Variants in ZNF804B observed in about 807,000 individuals in gnomAD.
ZNF804B encodes the protein zinc finger protein 804B.
Under a neutral mutation model 101.4 loss-of-function variants are expected in ZNF804B, and 80 were observed. That is an observed-to-expected ratio of 0.79 (90% CI 0.66 to 0.95). ZNF804B has a LOEUF of 0.95. Ranked by LOEUF, ZNF804B falls within the 40% of genes least tolerant of loss-of-function variation. The probability of loss-of-function intolerance (pLI) is 0.00; values close to 1 mark genes in which losing one functional copy is unlikely to be tolerated. For missense variants in ZNF804B, 1,673 were observed against 1,561.9 expected, an observed-to-expected ratio of 1.07 and a Z score of -1.20; for synonymous variants, 622 against 558.8, an observed-to-expected ratio of 1.11 and a Z score of -1.59.
intron 2 of ZNF804B, among the ~76,000 whole-genome samples, chr7:89,236,604 C>T (rs1789285305): frequency 6.6e-6 from 1 of 151,990 alleles, no homozygotes; most frequent in Non-Finnish European, 1.5e-5. Context: ...ATATTAAATT[C>T]ATGGTAAAAT....
intron 1 of ZNF804B, among the ~76,000 whole-genome samples, chr7:88,845,129 A>C (rs1791349392): frequency 6.6e-6 from 1 of 152,212 alleles, no homozygotes; most frequent in South Asian, 2.1e-4. Context: ...GGTTCAATGG[A>C]AAAGCATGTA....
chr7:89,292,841 C>CT (rs141253223), intron 2 of ZNF804B, among the ~76,000 whole-genome samples: 5 of 151,544 alleles, frequency 3.3e-5, no homozygotes, highest in East Asian at 1.9e-4. Context: ...AACAACTGGA[C>CT]TTTTTTTTGT....
chr7:89,319,020 G>A (rs1301838275), intron 2 of ZNF804B, among the ~76,000 whole-genome samples: 7 of 152,138 alleles, frequency 4.6e-5, no homozygotes, highest in Non-Finnish European at 2.9e-5. Context: ...GCAGGAACAC[G>A]CCCTTAAGAC....
chr7:89,034,924 C>T (rs546370392), intron 1 of ZNF804B, among the ~76,000 whole-genome samples: 6 of 152,196 alleles, frequency 3.9e-5, no homozygotes, highest in African/African-American at 1.4e-4. Context: ...TGTTTCTTGA[C>T]TTTTTAATGA....
At chr7:89,129,501 C>T (rs1221775146) in intron 1 of ZNF804B, among the ~76,000 whole-genome samples, 3 of 151,960 alleles carry the variant, frequency 2.0e-5, no homozygotes, top group Non-Finnish European at 4.4e-5. Flanking sequence ...TTAAAATGGG[C>T]TCCTCTCTTT....
chr7:88,951,278 A>T (rs914981672), intron 1 of ZNF804B, among the ~76,000 whole-genome samples: 1 of 151,910 alleles, frequency 6.6e-6, no homozygotes, highest in African/African-American at 2.4e-5. Flanking sequence ...ATAAAAAATT[A>T]AAGAAAATCT....
At chr7:88,936,454 A>G (rs1211812945) in intron 1 of ZNF804B, among the ~76,000 whole-genome samples, 2 of 152,250 alleles carry the variant, frequency 1.3e-5, no homozygotes, top group East Asian at 3.9e-4. Context: ...TTGAAGGGCC[A>G]GATAGCTGAA....
chr7:89,279,611 T>C (rs1171954144), intron 2 of ZNF804B, among the ~76,000 whole-genome samples: 1 of 152,128 alleles, frequency 6.6e-6, no homozygotes, highest in African/African-American at 2.4e-5. Context: ...TGAGATAATC[T>C]TGTGGTTTTT....
intron 2 of ZNF804B, among the ~76,000 whole-genome samples, chr7:89,263,573 G>A (rs534675003): frequency 1.9e-4 from 28 of 150,774 alleles, no homozygotes; most frequent in Non-Finnish European, 2.8e-4. Flanking sequence ...CTAACCACAC[G>A]AACCTGTGAA....
chr7:89,202,691 C>G (rs1788661330), intron 1 of ZNF804B, among the ~76,000 whole-genome samples: 1 of 152,096 alleles, frequency 6.6e-6, no homozygotes, highest in Non-Finnish European at 1.5e-5. Flanking sequence ...AATAGACCCT[C>G]CTGAATTAAT....
At chr7:89,218,970 C>T (rs909636426) in intron 2 of ZNF804B, among the ~76,000 whole-genome samples, 1 of 151,890 alleles carries the variant, frequency 6.6e-6, no homozygotes, top group Non-Finnish European at 1.5e-5. Context: ...TGTAAGTGGA[C>T]CCATTCAGTT....
chr7:89,138,860 A>G (rs1790675400), intron 1 of ZNF804B, among the ~76,000 whole-genome samples: 1 of 151,956 alleles, frequency 6.6e-6, no homozygotes, highest in Non-Finnish European at 1.5e-5. Flanking sequence ...ACTCTTCTTT[A>G]TCTTCCACCA....
At chr7:89,331,144 A>C (rs926477212) in intron 3 of ZNF804B, among the ~76,000 whole-genome samples, 1 of 151,674 alleles carries the variant, frequency 6.6e-6, no homozygotes, top group Non-Finnish European at 1.5e-5. Flanking sequence ...TGTCAGATCG[A>C]TTGAAGCTTC....
chr7:89,227,105 C>T (rs1789101219), intron 2 of ZNF804B, among the ~76,000 whole-genome samples: 1 of 152,186 alleles, frequency 6.6e-6, no homozygotes, highest in South Asian at 2.1e-4. Context: ...GATTACACTT[C>T]TTGTTTCCTT....
chr7:89,061,492 T>G (rs998458896), intron 1 of ZNF804B, among the ~76,000 whole-genome samples: 1 of 152,188 alleles, frequency 6.6e-6, no homozygotes, highest in Admixed American at 6.6e-5. Context: ...CTACGCATTT[T>G]ATAACTCTGA....
intron 1 of ZNF804B, among the ~76,000 whole-genome samples, chr7:89,187,073 G>T (rs1788385087): frequency 6.6e-6 from 1 of 152,026 alleles, no homozygotes. Flanking sequence ...CATTTTATTT[G>T]CAAGAGCACA....
chr7:89,115,730 TAA>T (rs1349614525), intron 1 of ZNF804B, among the ~76,000 whole-genome samples: 1 of 152,178 alleles, frequency 6.6e-6, no homozygotes. Context: ...AATAAAGCTC[TAA>T]AAGGTTGTGC....
intron 2 of ZNF804B, among the ~76,000 whole-genome samples, chr7:89,264,227 G>A (rs1789750967): frequency 1.3e-5 from 2 of 152,082 alleles, no homozygotes; most frequent in African/African-American, 2.4e-5. Context: ...CCTTTTACAT[G>A]TGAACAGAGC....
intron 1 of ZNF804B, among the ~76,000 whole-genome samples, chr7:89,108,873 A>T (rs1268104324): frequency 6.6e-6 from 1 of 152,168 alleles, no homozygotes; most frequent in East Asian, 1.9e-4. Context: ...AAAAGGAGAA[A>T]TACATTGCTT....
Sources: allele counts gnomAD v4.1 joint callset (sites outside exome capture counted in the v4.1 genomes callset), GRCh38; gene constraint gnomAD v4.1.1; transcripts MANE v1.5; gene names NCBI Gene and HGNC (gene_info 2026-07-23, HGNC 2026-07-21).